Variants in DIS3 observed in about 807,000 individuals in gnomAD.
DIS3 encodes the protein exosome complex exonuclease RRP44.
A neutral mutation model predicts 113.0 loss-of-function variants in DIS3; 103 were observed. That is an observed-to-expected ratio of 0.91 (90% CI 0.78 to 1.07). The LOEUF is 1.07. DIS3 is among the 50% of genes least tolerant of loss of function. The pLI is 0.00. For missense variants in DIS3, 1,121 were observed against 1,167.1 expected, an observed-to-expected ratio of 0.96 and a Z score of 0.58; for synonymous variants, 402 against 394.3, an observed-to-expected ratio of 1.02 and a Z score of -0.23.
Position 72,759,796 on chromosome 13 carries a change from T to TA in DIS3, c.2875dup (p.Ter959LeufsTer20). On this transcript the variant is annotated frameshift_variant and stop_lost, in exon 21 of 21. Transcript: ENST00000377767. LOFTEE classifies it high-confidence loss of function. ...TTTGAAGATTTTTGTTGAATATAGC[T>TA]ATTTTCCAAGCTTCATCTTCTTTTT... 6.2e-7 allele frequency: 1 copy of TA among 1,611,468 alleles called. No individual in the cohort carries two copies. Among genetic ancestry groups the TA allele is most frequent in the Non-Finnish European group, 8.5e-7 (1 of 1,179,018 alleles).
intron 1 of DIS3, chr13:72,781,274 T>G: frequency 6.4e-7 from 1 of 1,551,222 alleles, no homozygotes; most frequent in Non-Finnish European, 8.7e-7. Flanking sequence ...TAGTTTTTTG[T>G]TCCTAGGCAC....
At chr13:72,764,670 G>A (rs557779838) in intron 15 of DIS3, among the ~76,000 whole-genome samples, 3 of 152,218 alleles carry the variant, frequency 2.0e-5, no homozygotes, top group Admixed American at 1.3e-4. Flanking sequence ...AGTGCTTTCT[G>A]TCTTGCAAGT....
rs2033530614 is a variant in DIS3, at chr13:72,757,923, A to T, written c.*1872T>A. 5.0e-6 allele frequency: 1 copy of T among 201,576 alleles called. No homozygotes were observed. The highest frequency in any genetic ancestry group is 6.0e-5 in the Admixed American group (1 of 16,610). The allele number at this position is 201,576 out of a possible 1,614,324, so 12.5% of individuals were successfully genotyped here. A position where few individuals can be genotyped will look rare whatever the true frequency, so the allele number is the denominator to read the frequency against. Reference sequence around the variant, plus strand: ...ACACAGCCATGGTAACATCATAGTGAAATTACTTTATGTAGCCTAAGTATA... The same window carrying T: ...ACACAGCCATGGTAACATCATAGTGTAATTACTTTATGTAGCCTAAGTATA... On this transcript the variant is annotated 3_prime_UTR_variant, in exon 21 of 21. Transcript: ENST00000377767.
chr13:72,777,598 TTGAGACACAC>T lies in DIS3; in HGVS notation c.581-115_581-106del, dbSNP rs371818847. The T allele has an allele frequency of 6.3e-4, 595 of 941,608 alleles. 1 individual carries two copies. In the African/African-American group the frequency reaches 7.9e-3, roughly 12 times the overall value. The allele number at this position is 941,608 out of a possible 1,614,324, so 58.3% of individuals were successfully genotyped here. ...AGTATACACGTCATTCTTTCATTCA[TTGAGACACAC>T]TGAGAGTCTCACTCTGTCTCTCAGG... is the stretch of plus-strand genomic sequence containing the variant. On this transcript the variant is annotated intron_variant, in intron 3 of 20. Transcript: ENST00000377767.
chr13:72,761,860 T>A, intron 17 of DIS3, 46 bp from the exon 18 acceptor site: 2 of 1,611,896 alleles, frequency 1.2e-6, no homozygotes, highest in South Asian at 2.2e-5. Flanking sequence ...AGTACTAATA[T>A]GTGCTTTTAA....
At position 72,775,221 on chromosome 13, in the gene DIS3, G is replaced by C. The variant is rs7332388; in HGVS notation, c.977C>G (p.Thr326Arg). ...TGCTTAGATTCATACCATTCGTTCT[G>C]TCTCTTCTTCTTTCTCCACATCTTC... ...NEEDVEKEEE[T>R]ERMLKTAVSE... Residue 326 changes from threonine (T) to arginine (R), a missense_variant, in exon 6 of 21, where the codon ACA (threonine) becomes AGA (arginine). Around this residue, in one of 3 missense-constraint regions of DIS3, gnomAD observed 861 missense variants for 915.5 expected, o/e 0.94. Coordinates refer to ENST00000377767, the MANE Select transcript of DIS3 (RefSeq NM_014953.5). 652,616 of 1,611,058 alleles carry C rather than the reference G, an allele frequency of 0.41. 137,585 individuals carry two copies. Among genetic ancestry groups the C allele is most frequent in the African/African-American group, 0.68 (51,214 of 74,834 alleles).
Position 72,775,297 on chromosome 13 carries a change from G to A in DIS3, c.901C>T (p.Gln301Ter). 4 of 1,613,680 alleles carry A rather than the reference G, an allele frequency of 2.5e-6. No individual in the cohort carries two copies. Among genetic ancestry groups the A allele is most frequent in the Non-Finnish European group, 2.5e-6 (3 of 1,179,734 alleles). ...ACCACAGAAGATGGTGCTACCCACT[G>A]ACTCTTGGGGAGAAGCTCCACAGCC... ...IVAVELLPKS[Q>*]WVAPSSVVLH... Residue 301 changes from glutamine to a stop codon, truncating the protein, a stop_gained, in exon 6 of 21, where the codon CAG (glutamine) becomes TAG (stop). Coordinates refer to ENST00000377767, the MANE Select transcript of DIS3 (RefSeq NM_014953.5). LOFTEE classifies it high-confidence loss of function.
Position 72,756,180 on chromosome 13 carries a change from A to ATTCATATGT in DIS3, c.*3614_*3615insACATATGAA. On this transcript the variant is annotated 3_prime_UTR_variant, in exon 21 of 21. Transcript: ENST00000377767. Reference sequence around the variant, plus strand: ...AAACTGTCTCATTCAAAAGGGAATAAAGACCTGTGTTATCAATGTGTCATT... The same window carrying ATTCATATGT: ...AAACTGTCTCATTCAAAAGGGAATAATTCATATGTAGACCTGTGTTATCAATGTGTCATT... 2 of 366,076 alleles carry ATTCATATGT rather than the reference A, an allele frequency of 5.5e-6. No homozygotes were observed. The highest frequency in any genetic ancestry group is 9.7e-6 in the Non-Finnish European group (2 of 206,710). The allele number at this position is 366,076 out of a possible 1,614,324, so 22.7% of individuals were successfully genotyped here. A position where few individuals can be genotyped will look rare whatever the true frequency, so the allele number is the denominator to read the frequency against.
chr13:72,760,781 TAACA>T (rs1281292382), intron 19 of DIS3, 130 bp from the exon 20 acceptor site: 9 of 1,105,808 alleles, frequency 8.1e-6, no homozygotes, highest in Non-Finnish European at 1.1e-5. Flanking sequence ...GTGTTCAACA[TAACA>T]AAGGCCACAA....
At chr13:72,775,799 G>T in intron 5 of DIS3, 126 bp downstream of exon 5, 2 of 826,548 alleles carry the variant, frequency 2.4e-6, no homozygotes, top group Non-Finnish European at 3.5e-6. Context: ...AAAGAAAAAA[G>T]TTACTATTTG....
chr13:72,768,918 A>G lies in DIS3; in HGVS notation c.1756-6T>C. On this transcript the variant is annotated splice_region_variant and splice_polypyrimidine_tract_variant and intron_variant, in intron 13 of 20. Coordinates refer to ENST00000377767, the MANE Select transcript of DIS3 (RefSeq NM_014953.5). ...TCAGCATACGTCAGAGATGCCTAAA[A>G]AAGAAAATGTATGTTATATAATTCT... 1.9e-6 allele frequency: 3 copies of G among 1,565,134 alleles called. No individual in the cohort carries two copies. Among genetic ancestry groups the G allele is most frequent in the South Asian group, 2.3e-5 (2 of 86,740 alleles).
At chr13:72,776,388 T>G (rs2034019686) in intron 4 of DIS3, among the ~76,000 whole-genome samples, 1 of 152,154 alleles carries the variant, frequency 6.6e-6, no homozygotes, top group African/African-American at 2.4e-5. Context: ...CATATTAAAT[T>G]TAAATAGTCA....
chr13:72,762,263 G>T, intron 16 of DIS3, 126 bp from the exon 17 acceptor site: 1 of 820,616 alleles, frequency 1.2e-6, no homozygotes, highest in Non-Finnish European at 1.9e-6. Flanking sequence ...TCCCTTCAAA[G>T]TAGAAGTAGT....
At position 72,761,827 on chromosome 13, in the gene DIS3, A is replaced by C. The variant is rs2033633309; in HGVS notation, c.2343-13T>G. 1 of 1,609,266 alleles carries C rather than the reference A, an allele frequency of 6.2e-7. No homozygotes were observed. Among genetic ancestry groups the C allele is most frequent in the Non-Finnish European group, 8.5e-7 (1 of 1,178,746 alleles). ...GACATCTGCGTATCTAGATAGATGG[A>C]AAAATAAGAACCATGGTATGTCAGT... On this transcript the variant is annotated splice_polypyrimidine_tract_variant and intron_variant, in intron 17 of 20. Transcript: ENST00000377767.
At chr13:72,769,567 A>G (rs2033837714) in intron 13 of DIS3, among the ~76,000 whole-genome samples, 1 of 151,674 alleles carries the variant, frequency 6.6e-6, no homozygotes, top group Non-Finnish European at 1.5e-5. Flanking sequence ...ACAGAGTTAG[A>G]TAACGCAGGT....
intron 8 of DIS3, among the ~76,000 whole-genome samples, chr13:72,773,435 C>T (rs566452372): frequency 3.3e-5 from 5 of 152,026 alleles, no homozygotes; most frequent in African/African-American, 9.6e-5. Context: ...GCACTCCAGC[C>T]GGGGCAACAG....
At chr13:72,771,995 A>G in intron 10 of DIS3, 99 bp from the exon 11 acceptor site, 1 of 1,376,290 alleles carries the variant, frequency 7.3e-7, no homozygotes, top group South Asian at 1.3e-5. Context: ...TTTAAAAAAG[A>G]CTCAGTCACC....
intron 13 of DIS3, among the ~76,000 whole-genome samples, chr13:72,769,470 C>T (rs2033834256): frequency 6.6e-6 from 1 of 150,882 alleles, no homozygotes; most frequent in African/African-American, 2.4e-5. Context: ...TCCTATTTCT[C>T]TCAGAGAAAT....
chr13:72,755,125 A>G lies in DIS3; in HGVS notation c.*4670T>C, dbSNP rs745389279. On this transcript the variant is annotated 3_prime_UTR_variant, in exon 21 of 21. Transcript: ENST00000377767. Reference sequence around the variant, plus strand: ...TCCAGTGGTCCTACTTAAACTGAAAACAAGGTATTGTCTTCTTTTTCACAG... The same window carrying G: ...TCCAGTGGTCCTACTTAAACTGAAAGCAAGGTATTGTCTTCTTTTTCACAG... 1 of 1,608,028 alleles carries G rather than the reference A, an allele frequency of 6.2e-7. No homozygotes were observed. The highest frequency in any genetic ancestry group is 1.1e-5 in the South Asian group (1 of 90,812).
Sources: allele counts gnomAD v4.1 joint callset (sites outside exome capture counted in the v4.1 genomes callset), GRCh38; gene constraint gnomAD v4.1.1; regional missense constraint gnomAD v4.1.1; transcripts MANE v1.5; gene names NCBI Gene and HGNC (gene_info 2026-07-23, HGNC 2026-07-21).